Variants in MTMR14 observed in about 807,000 individuals in gnomAD.
MTMR14 encodes myotubularin related protein 14, also known as phosphatidylinositol-3,5-bisphosphate 3-phosphatase MTMR14.
MTMR14 carries 48 observed loss-of-function variants against 86.3 expected under a neutral mutation model. That is an observed-to-expected ratio of 0.56 (90% CI 0.44 to 0.71). The LOEUF (loss-of-function observed/expected upper bound fraction) is 0.71, where lower values mean the gene tolerates loss of function less well. Among genes scored for constraint, MTMR14 ranks in the 30% least tolerant of loss-of-function variants. The pLI is 0.00. For missense variants in MTMR14, 780 were observed against 834.6 expected (o/e 0.93, Z 0.81); for synonymous variants, 366 against 326.1 (o/e 1.12, Z -1.32).
At chr3:9,695,308 G>A (rs2076251378) in intron 17 of MTMR14, among the ~76,000 whole-genome samples, 1 of 152,180 alleles carries the variant, frequency 6.6e-6, no homozygotes, top group African/African-American at 2.4e-5. Flanking sequence ...CCCAGGAGCT[G>A]AATGGTCACT....
At chr3:9,658,394 T>C (rs2047730831) in intron 2 of MTMR14, among the ~76,000 whole-genome samples, 1 of 152,230 alleles carries the variant, frequency 6.6e-6, no homozygotes, top group Non-Finnish European at 1.5e-5. Flanking sequence ...CTAAGACATG[T>C]TTGTCAACAG....
chr3:9,697,681 C>A, intron 17 of MTMR14, 30 bp from the exon 18 acceptor site: 1 of 1,608,938 alleles, frequency 6.2e-7, no homozygotes, highest in Non-Finnish European at 8.5e-7. Context: ...CTGACTGCAT[C>A]CTCTCCCCTC....
At position 9,688,586 on chromosome 3, in the gene MTMR14, C is replaced by T. The variant is rs143330428; in HGVS notation, c.1236-110C>T. 288 of 1,280,614 alleles carry T rather than the reference C, an allele frequency of 2.2e-4. 1 individual carries two copies. The East Asian group carries it at 6.6e-3, about 29-fold the overall frequency. 79.3% of individuals were successfully genotyped at this position (1,280,614 alleles called of 1,614,324 possible). ...CTCCCTAGGCTAGGACCCGTCTCCA[C>T]AAGTTGCCAGTGAATTGAGCTGCTT... On this transcript the variant is annotated intron_variant, in intron 14 of 18. Coordinates refer to ENST00000296003, the MANE Select transcript of MTMR14 (RefSeq NM_001077525.3).
chr3:9,672,846 G>C, intron 7 of MTMR14, 88 bp downstream of exon 7: 1 of 1,233,990 alleles, frequency 8.1e-7, no homozygotes, highest in Non-Finnish European at 1.2e-6. Context: ...TTACACTGGC[G>C]CCCTGGGAGC....
At chr3:9,676,661 G>A (rs1234399315) in intron 7 of MTMR14, among the ~76,000 whole-genome samples, 1 of 152,196 alleles carries the variant, frequency 6.6e-6, no homozygotes, top group Non-Finnish European at 1.5e-5. Context: ...TTTTAAGCTG[G>A]GAATGTTGCC....
At position 9,684,060 on chromosome 3, in the gene MTMR14, G is replaced by T. The variant is rs368586257; in HGVS notation, c.965-525G>T. Reference sequence around the variant, plus strand: ...ATGCCAGCCCCTGGAGCCAGGCACTGGTTCTCTAGCTGCGGGCATTAGCAC... The same window carrying T: ...ATGCCAGCCCCTGGAGCCAGGCACTTGTTCTCTAGCTGCGGGCATTAGCAC... On this transcript the variant is annotated intron_variant, in intron 10 of 18. Coordinates refer to ENST00000296003, the MANE Select transcript of MTMR14 (RefSeq NM_001077525.3). 2.6e-5 allele frequency among the ~76,000 whole-genome samples: 4 copies of T among 152,308 alleles called. 1 individual carries two copies. Among genetic ancestry groups the T allele is most frequent in the East Asian group, 1.9e-4 (1 of 5,184 alleles).
chr3:9,687,863 G>C lies in MTMR14; in HGVS notation c.1207G>C (p.Glu403Gln), dbSNP rs545729557. 6.3e-7 allele frequency: 1 copy of C among 1,589,066 alleles called. No homozygotes were observed. Among genetic ancestry groups the C allele is most frequent in the Non-Finnish European group, 8.6e-7 (1 of 1,165,328 alleles). The change falls in exon 14 of 19, where the codon GAG becomes CAG. Residue 403 changes from glutamate to glutamine, a missense_variant. Coordinates refer to ENST00000296003, the MANE Select transcript of MTMR14 (RefSeq NM_001077525.3). Reference protein sequence around the residue: ...CFNFLKHITSEEFSALKTQRR... With the variant: ...CFNFLKHITSQEFSALKTQRR... ...CAATTTTTTGAAGCATATTACCTCC[G>C]AGGAGTTCTCTGCTCTGAAGACCCA...
chr3:9,694,965 G>C (rs2076241421), intron 17 of MTMR14, among the ~76,000 whole-genome samples: 1 of 152,182 alleles, frequency 6.6e-6, no homozygotes, highest in South Asian at 2.1e-4. Flanking sequence ...ATGTGGACAG[G>C]TGACCTCTGA....
intron 9 of MTMR14, among the ~76,000 whole-genome samples, chr3:9,681,484 T>C (rs1401535590): frequency 6.6e-6 from 1 of 152,124 alleles, no homozygotes; most frequent in African/African-American, 2.4e-5. Context: ...ACATTACAGT[T>C]TTTACCAGTG....
intron 18 of MTMR14, 74 bp downstream of exon 18, chr3:9,697,940 G>C: frequency 6.3e-7 from 1 of 1,597,770 alleles, no homozygotes; most frequent in Non-Finnish European, 8.5e-7. Context: ...AGGAGTGCTG[G>C]GTAGGAATGA....
At position 9,701,422 on chromosome 3, in the gene MTMR14, G is replaced by A; in HGVS notation, c.1770-368G>A. ...ATGGTGGCATGTGCCTGTAGTCCCA[G>A]CTACTTGAGGGGCTGAGGTGGGAGG... is the stretch of plus-strand genomic sequence containing the variant. On this transcript the variant is annotated intron_variant, in intron 18 of 18. Coordinates refer to ENST00000296003, the MANE Select transcript of MTMR14 (RefSeq NM_001077525.3). The surrounding 1 kb of genome is among the most constrained non-coding windows in gnomAD (Gnocchi z 4.2). 1 of 327,376 alleles carries A rather than the reference G, an allele frequency of 3.1e-6. No individual in the cohort carries two copies. Among genetic ancestry groups the A allele is most frequent in the South Asian group, 2.7e-5 (1 of 36,858 alleles). The allele number at this position is 327,376 out of a possible 1,614,324, so 20.3% of individuals were successfully genotyped here.
chr3:9,660,346 C>T (rs919636458), intron 2 of MTMR14, among the ~76,000 whole-genome samples: 41 of 152,038 alleles, frequency 2.7e-4, no homozygotes, highest in African/African-American at 9.9e-4. Flanking sequence ...GCAAACTCTG[C>T]CTCCCGGGTT....
At chr3:9,695,700 T>G (rs2076262537) in intron 17 of MTMR14, among the ~76,000 whole-genome samples, 1 of 152,268 alleles carries the variant, frequency 6.6e-6, no homozygotes. Flanking sequence ...CAGCCCCAGC[T>G]GTGCCTCAAC....
intron 13 of MTMR14, among the ~76,000 whole-genome samples, chr3:9,687,557 A>AT (rs796770694): frequency 1.3e-3 from 199 of 149,228 alleles, no homozygotes; most frequent in African/African-American, 4.9e-3. Flanking sequence ...TCTGTCTCAA[A>AT]TAAAAAAAAA....
At chr3:9,673,844 AG>A (rs1394745153) in intron 7 of MTMR14, among the ~76,000 whole-genome samples, 1 of 146,772 alleles carries the variant, frequency 6.8e-6, no homozygotes, top group Non-Finnish European at 1.5e-5. Flanking sequence ...TGTAAATAAC[AG>A]GCCTAATGAT....
intron 7 of MTMR14, among the ~76,000 whole-genome samples, chr3:9,673,790 C>T (rs2048702809): frequency 6.9e-6 from 1 of 144,306 alleles, no homozygotes; most frequent in African/African-American, 2.9e-5. Flanking sequence ...GATAATGGTG[C>T]TTATTTAAGA....
At chr3:9,690,985 G>A (rs1370910871) in intron 17 of MTMR14, among the ~76,000 whole-genome samples, 1 of 152,214 alleles carries the variant, frequency 6.6e-6, no homozygotes, top group Non-Finnish European at 1.5e-5. Flanking sequence ...TTAGTCCTTG[G>A]TAGTAATAGG....
chr3:9,680,695 G>T (rs1458419151), intron 9 of MTMR14, among the ~76,000 whole-genome samples: 1 of 152,166 alleles, frequency 6.6e-6, no homozygotes, highest in Non-Finnish European at 1.5e-5. Flanking sequence ...AAATTAGCCG[G>T]GCGTGGTGGC....
chr3:9,695,977 C>G (rs2076270382), intron 17 of MTMR14, among the ~76,000 whole-genome samples: 7 of 152,194 alleles, frequency 4.6e-5, no homozygotes, highest in Admixed American at 4.6e-4. Context: ...AAGCCCTGCT[C>G]TGTCGGGCCC....
Sources: allele counts gnomAD v4.1 joint callset (sites outside exome capture counted in the v4.1 genomes callset), GRCh38; gene constraint gnomAD v4.1.1; non-coding constraint Gnocchi (gnomAD v3.1); transcripts MANE v1.5; gene names NCBI Gene and HGNC (gene_info 2026-07-23, HGNC 2026-07-21).